The following RUNDC3B variants were observed in gnomAD, a reference collection of about 807,000 sequenced individuals.
The protein encoded by RUNDC3B is RUN domain-containing protein 3B.
A neutral mutation model predicts 58.4 loss-of-function variants in RUNDC3B; 33 were observed. That is an observed-to-expected ratio of 0.56 (90% CI 0.43 to 0.75). RUNDC3B has a LOEUF of 0.75. Ranked by LOEUF, RUNDC3B falls within the 30% of genes least tolerant of loss-of-function variation. RUNDC3B has a pLI of 0.00. For missense variants in RUNDC3B, 501 were observed against 535.7 expected, an observed-to-expected ratio of 0.94 and a Z score of 0.64; for synonymous variants, 193 against 195.2, an observed-to-expected ratio of 0.99 and a Z score of 0.10.
At chr7:87,644,485 T>C (rs1214410706) in intron 1 of RUNDC3B, among the ~76,000 whole-genome samples, 2 of 152,218 alleles carry the variant, frequency 1.3e-5, no homozygotes, top group Non-Finnish European at 2.9e-5. Flanking sequence ...TTTGGATACT[T>C]ACGTTCTATT....
chr7:87,775,181 G>C (rs1419810289), intron 7 of RUNDC3B, among the ~76,000 whole-genome samples: 1 of 152,180 alleles, frequency 6.6e-6, no homozygotes, highest in African/African-American at 2.4e-5. Context: ...TGCTCCTGAA[G>C]TCCTTGCAGT....
intron 3 of RUNDC3B, among the ~76,000 whole-genome samples, chr7:87,710,145 A>G (rs1431162874): frequency 6.6e-6 from 1 of 152,174 alleles, no homozygotes; most frequent in Non-Finnish European, 1.5e-5. Flanking sequence ...ATTTTCTTAA[A>G]TAAGTGATGT....
At chr7:87,764,323 C>T (rs902809619) in intron 6 of RUNDC3B, among the ~76,000 whole-genome samples, 4 of 151,804 alleles carry the variant, frequency 2.6e-5, no homozygotes, top group Non-Finnish European at 5.9e-5. Flanking sequence ...ATTTAACATG[C>T]TTATTTAATT....
chr7:87,652,739 G>T (rs1823711290), intron 2 of RUNDC3B, among the ~76,000 whole-genome samples: 1 of 150,244 alleles, frequency 6.7e-6, no homozygotes, highest in Non-Finnish European at 1.5e-5. Flanking sequence ...CTATTTTTTG[G>T]TATTTTAATA....
At chr7:87,812,540 CAG>C (rs1439715035) in intron 9 of RUNDC3B, among the ~76,000 whole-genome samples, 1 of 152,128 alleles carries the variant, frequency 6.6e-6, no homozygotes, top group African/African-American at 2.4e-5. Context: ...ACCTGGGAGG[CAG>C]AGGTTGCAGT....
At position 87,785,786 on chromosome 7, in the gene RUNDC3B, T is replaced by G. The variant is rs184144699; in HGVS notation, c.956+7831T>G. On this transcript the variant is annotated intron_variant, in intron 8 of 10. Coordinates refer to ENST00000394654, the MANE Select transcript of RUNDC3B (RefSeq NM_001134405.2). ...CTATGGTTGCCTTTTGCTGTAGCTG[T>G]CTCATGTTCCATGAACCCTTCTGAG... is the stretch of plus-strand genomic sequence containing the variant. 4.4e-3 allele frequency among the ~76,000 whole-genome samples: 671 copies of G among 152,308 alleles called. 15 individuals carry two copies. The highest frequency in any genetic ancestry group is 1.1e-3 in the Non-Finnish European group (75 of 68,020).
chr7:87,712,393 A>G lies in RUNDC3B; in HGVS notation c.458+1738A>G, dbSNP rs28381720. On this transcript the variant is annotated intron_variant, in intron 4 of 10. Coordinates refer to ENST00000394654, the MANE Select transcript of RUNDC3B (RefSeq NM_001134405.2). ...CATTGAGGATACTAAGGCTTTGAAA[A>G]TGAAAACAAAGAATCGTATCAGAAT... Among the ~76,000 whole-genome samples the G allele has an allele frequency of 3.3e-3, 497 of 152,220 alleles. 3 individuals carry two copies. Among genetic ancestry groups the G allele is most frequent in the African/African-American group, 0.012 (487 of 41,578 alleles).
chr7:87,681,500 TTACAC>T (rs1826924635), intron 2 of RUNDC3B, among the ~76,000 whole-genome samples: 1 of 150,814 alleles, frequency 6.6e-6, no homozygotes, highest in Admixed American at 6.6e-5. Context: ...AAAGTTGTAT[TTACAC>T]TACACTGTAA....
chr7:87,647,182 G>T lies in RUNDC3B; in HGVS notation c.123-3640G>T, dbSNP rs149566805. Reference sequence around the variant, plus strand: ...CATTACACAACAAGAATGCCATAGGGTGGCATTTCTGAAAGTGTACTTCTG... The same window carrying T: ...CATTACACAACAAGAATGCCATAGGTTGGCATTTCTGAAAGTGTACTTCTG... On this transcript the variant is annotated intron_variant, in intron 1 of 10. Coordinates refer to ENST00000394654, the MANE Select transcript of RUNDC3B (RefSeq NM_001134405.2). Among the ~76,000 whole-genome samples the T allele has an allele frequency of 3.8e-4, 58 of 152,274 alleles. 1 individual carries two copies. The highest frequency in any genetic ancestry group is 1.3e-3 in the African/African-American group (53 of 41,542).
chr7:87,643,454 T>C (rs1822653690), intron 1 of RUNDC3B, among the ~76,000 whole-genome samples: 1 of 152,168 alleles, frequency 6.6e-6, no homozygotes, highest in Admixed American at 6.5e-5. Context: ...TTATAAAATA[T>C]TTTAAATAGA....
intron 2 of RUNDC3B, among the ~76,000 whole-genome samples, chr7:87,656,627 C>T (rs965792583): frequency 2.6e-5 from 4 of 152,044 alleles, no homozygotes; most frequent in African/African-American, 9.7e-5. Context: ...AGAGGATACT[C>T]ATTTTCCAAA....
intron 1 of RUNDC3B, among the ~76,000 whole-genome samples, chr7:87,629,480 G>C (rs1820981996): frequency 6.6e-6 from 1 of 152,178 alleles, no homozygotes. Flanking sequence ...CAGCTACAGT[G>C]CTAGTGCTGG....
At chr7:87,667,428 A>C (rs1477982503) in intron 2 of RUNDC3B, among the ~76,000 whole-genome samples, 1 of 151,836 alleles carries the variant, frequency 6.6e-6, no homozygotes, top group Non-Finnish European at 1.5e-5. Context: ...GAATCATGTC[A>C]TCTGCAAACA....
At chr7:87,820,882 CATA>C (rs1837382496) in intron 10 of RUNDC3B, among the ~76,000 whole-genome samples, 1 of 151,972 alleles carries the variant, frequency 6.6e-6, no homozygotes, top group Non-Finnish European at 1.5e-5. Context: ...ATTGATGGGA[CATA>C]TCTCAAAATA....
chr7:87,817,274 C>G (rs1837098419), intron 10 of RUNDC3B, among the ~76,000 whole-genome samples: 1 of 152,190 alleles, frequency 6.6e-6, no homozygotes, highest in Non-Finnish European at 1.5e-5. Flanking sequence ...ATTACTGCAA[C>G]CTTAGTCTCT....
intron 8 of RUNDC3B, among the ~76,000 whole-genome samples, chr7:87,806,522 A>G (rs1836442827): frequency 6.6e-6 from 1 of 152,212 alleles, no homozygotes. Flanking sequence ...GGCCTTTTAT[A>G]GGTAGAGTAA....
At chr7:87,704,969 A>G (rs184140957) in intron 3 of RUNDC3B, among the ~76,000 whole-genome samples, 1 of 152,356 alleles carries the variant, frequency 6.6e-6, no homozygotes, top group African/African-American at 2.4e-5. Context: ...GACACATGTG[A>G]AAAGATATTT....
At chr7:87,771,339 T>A (rs2078998) in intron 7 of RUNDC3B, among the ~76,000 whole-genome samples, 4,379 of 152,010 alleles carry the variant, frequency 0.029, 63 homozygotes, top group Middle Eastern at 0.048. Flanking sequence ...GTGGGGAAAT[T>A]GTCATAATTT....
At chr7:87,794,458 C>T (rs1198044054) in intron 8 of RUNDC3B, among the ~76,000 whole-genome samples, 1 of 151,758 alleles carries the variant, frequency 6.6e-6, no homozygotes, top group African/African-American at 2.4e-5. Flanking sequence ...ACAAAAAAAC[C>T]TGTAAAACAC....
Sources: allele counts gnomAD v4.1 joint callset (sites outside exome capture counted in the v4.1 genomes callset), GRCh38; gene constraint gnomAD v4.1.1; transcripts MANE v1.5; gene names NCBI Gene and HGNC (gene_info 2026-07-23, HGNC 2026-07-21).